The following SHC3 variants were observed in gnomAD, a reference collection of about 807,000 sequenced individuals.
SHC3 encodes the protein SHC-transforming protein 3.
In SHC3, 15 loss-of-function variants were observed where a neutral mutation model predicts 60.4. The observed-to-expected ratio is 0.25, with a 90% CI of 0.17 to 0.38. The LOEUF is 0.38. Among genes scored for constraint, SHC3 ranks in the 10% least tolerant of loss-of-function variants. SHC3 has a pLI of 1.00. For missense variants in SHC3, 677 were observed against 786.1 expected (o/e 0.86, Z 1.66); for synonymous variants, 294 against 325.9 (o/e 0.90, Z 1.05).
rs1824695204 is a variant in SHC3 at position 89,042,041 on chromosome 9, C to T, written c.1345G>A (p.Asp449Asn). Residue 449 changes from aspartate to asparagine, a missense_variant, in exon 10 of 12, where the codon GAC becomes AAC. Transcript: ENST00000375835. ...VSSAESSPRK[D>N]LFDMKPFEDA... is the part of the protein sequence containing the mutation. Reference sequence around the variant, plus strand: ...AGAAACCCACTCATGTCAAAGAGGTCTTTCCTTGGGCTGCTCTCAGCACTG... The same window carrying T: ...AGAAACCCACTCATGTCAAAGAGGTTTTTCCTTGGGCTGCTCTCAGCACTG... The T allele has an allele frequency of 1.9e-6, 3 of 1,613,796 alleles. No individual in the cohort carries two copies. Among genetic ancestry groups the T allele is most frequent in the Non-Finnish European group, 2.5e-6 (3 of 1,179,954 alleles).
At position 89,023,705 on chromosome 9, in the gene SHC3, G is replaced by A. The variant is rs111537344; in HGVS notation, c.1657-10130C>T. 7.0e-3 allele frequency among the ~76,000 whole-genome samples: 1,065 copies of A among 152,294 alleles called. 10 individuals carry two copies. The highest frequency in any genetic ancestry group is 0.024 in the African/African-American group (997 of 41,558). ...TGTGTTTAACTGGCCATAGACAGCA[G>A]AACAGAATCAGAAGGTATGACCACA... On this transcript the variant is annotated intron_variant, in intron 11 of 11. Transcript: ENST00000375835.
intron 11 of SHC3, among the ~76,000 whole-genome samples, chr9:89,028,970 T>C (rs1824423968): frequency 6.7e-6 from 1 of 149,268 alleles, no homozygotes; most frequent in Non-Finnish European, 1.5e-5. Context: ...TGAGGCAGAA[T>C]ATATATATAG....
chr9:89,141,315 T>A (rs1480620489), intron 1 of SHC3, among the ~76,000 whole-genome samples: 1 of 152,220 alleles, frequency 6.6e-6, no homozygotes, highest in Non-Finnish European at 1.5e-5. Context: ...AGGGCTGTGT[T>A]CTATCCTACG....
intron 9 of SHC3, among the ~76,000 whole-genome samples, chr9:89,042,684 T>G (rs1234110878): frequency 6.6e-6 from 1 of 152,172 alleles, no homozygotes; most frequent in Non-Finnish European, 1.5e-5. Flanking sequence ...ACTCCTTCCT[T>G]ATAAAATAGG....
intron 1 of SHC3, among the ~76,000 whole-genome samples, chr9:89,146,985 G>C (rs1006086095): frequency 6.6e-6 from 1 of 152,088 alleles, no homozygotes; most frequent in African/African-American, 2.4e-5. Context: ...CAAAACAAAT[G>C]TATAAAAATA....
intron 1 of SHC3, among the ~76,000 whole-genome samples, chr9:89,118,815 T>C (rs1826052010): frequency 6.6e-6 from 1 of 152,026 alleles, no homozygotes; most frequent in South Asian, 2.1e-4. Flanking sequence ...ACTCAGAAAT[T>C]TAACCACCCA....
At chr9:89,048,864 C>T (rs1194626924) in intron 7 of SHC3, among the ~76,000 whole-genome samples, 5 of 152,116 alleles carry the variant, frequency 3.3e-5, no homozygotes, top group Admixed American at 6.5e-5. Context: ...TCGGATAGTA[C>T]CCTGCGGGAC....
intron 1 of SHC3, among the ~76,000 whole-genome samples, chr9:89,151,279 G>T (rs754762087): frequency 4.6e-5 from 7 of 152,154 alleles, no homozygotes; most frequent in Non-Finnish European, 8.8e-5. Flanking sequence ...TCCTCATAAG[G>T]TCTGAATGTT....
intron 1 of SHC3, among the ~76,000 whole-genome samples, chr9:89,123,696 G>GT (rs1826123140): frequency 6.6e-6 from 1 of 152,144 alleles, no homozygotes; most frequent in South Asian, 2.1e-4. Context: ...CCGTCCTCCT[G>GT]TTTCTCAGCC....
At chr9:89,044,399 C>G (rs146658461) in intron 9 of SHC3, among the ~76,000 whole-genome samples, 14 of 152,348 alleles carry the variant, frequency 9.2e-5, no homozygotes, top group Admixed American at 3.9e-4. Flanking sequence ...AGACGAAATT[C>G]TCTTACACAG....
intron 1 of SHC3, among the ~76,000 whole-genome samples, chr9:89,155,422 G>A (rs1826608191): frequency 6.6e-6 from 1 of 152,162 alleles, no homozygotes; most frequent in African/African-American, 2.4e-5. Context: ...GGGCAAGAAT[G>A]ATGGTCTTGG....
At chr9:89,136,801 T>G (rs935332762) in intron 1 of SHC3, among the ~76,000 whole-genome samples, 2 of 152,220 alleles carry the variant, frequency 1.3e-5, no homozygotes, top group Admixed American at 6.5e-5. Context: ...GGGTCTGGAT[T>G]GGGACCACTT....
intron 6 of SHC3, among the ~76,000 whole-genome samples, chr9:89,054,117 T>C (rs1002498357): frequency 6.6e-6 from 1 of 152,128 alleles, no homozygotes; most frequent in Non-Finnish European, 1.5e-5. Flanking sequence ...GGCTGTACAA[T>C]CTCATCCACA....
intron 6 of SHC3, among the ~76,000 whole-genome samples, chr9:89,065,300 C>T (rs922817924): frequency 6.6e-6 from 1 of 152,138 alleles, no homozygotes; most frequent in African/African-American, 2.4e-5. Flanking sequence ...ATCAATTGTA[C>T]CAAACCAGCT....
intron 1 of SHC3, among the ~76,000 whole-genome samples, chr9:89,118,533 A>G (rs1826048081): frequency 3.3e-5 from 5 of 152,138 alleles, no homozygotes; most frequent in Non-Finnish European, 1.5e-5. Flanking sequence ...GGCTCCCAGG[A>G]GAAATGCAAA....
At chr9:89,165,642 G>A (rs919542346) in intron 1 of SHC3, among the ~76,000 whole-genome samples, 4 of 152,106 alleles carry the variant, frequency 2.6e-5, no homozygotes, top group African/African-American at 7.2e-5. Context: ...AGATGTAAGA[G>A]GCTTAGAAAA....
rs76242942 is a variant in SHC3 at position 89,171,981 on chromosome 9, A to G, written c.474+6006T>C. On this transcript the variant is annotated intron_variant, in intron 1 of 11. Coordinates refer to ENST00000375835, the MANE Select transcript of SHC3 (RefSeq NM_016848.6). ...CAAAAAGAAACCCGCCAGAGGTGCC[A>G]TCCAGAGCTGAGAAGATGCTCGCCA... 1.8e-4 allele frequency among the ~76,000 whole-genome samples: 28 copies of G among 152,372 alleles called. No individual in the cohort carries two copies. In the East Asian group the frequency reaches 4.6e-3, roughly 25 times the overall value.
At chr9:89,124,543 T>A (rs749277295) in intron 1 of SHC3, among the ~76,000 whole-genome samples, 1 of 152,170 alleles carries the variant, frequency 6.6e-6, no homozygotes, top group Admixed American at 6.5e-5. Context: ...TGCATGGACA[T>A]GGATGAAGCT....
chr9:89,172,926 A>G (rs1194414390), intron 1 of SHC3, among the ~76,000 whole-genome samples: 1 of 152,182 alleles, frequency 6.6e-6, no homozygotes, highest in Non-Finnish European at 1.5e-5. Context: ...CCCTGGCCCC[A>G]GTGATCCAGC....
Sources: allele counts gnomAD v4.1 joint callset (sites outside exome capture counted in the v4.1 genomes callset), GRCh38; gene constraint gnomAD v4.1.1; transcripts MANE v1.5; gene names NCBI Gene and HGNC (gene_info 2026-07-23, HGNC 2026-07-21).